PRTFDC1: variants seen among roughly 807,000 people sequenced by gnomAD.
PRTFDC1 encodes the protein phosphoribosyltransferase domain-containing protein 1.
A neutral mutation model predicts 34.6 loss-of-function variants in PRTFDC1; 38 were observed. The observed-to-expected ratio is 1.10, with a 90% CI of 0.85 to 1.44. PRTFDC1 has a LOEUF of 1.44. Among genes scored for constraint, PRTFDC1 ranks in the 40% most tolerant of loss-of-function variants. PRTFDC1 has a pLI of 0.00. For missense variants in PRTFDC1, 270 were observed against 283.0 expected (o/e 0.95, Z 0.33); for synonymous variants, 93 against 98.1 (o/e 0.95, Z 0.31).
chr10:24,939,599 C>T (rs1285406837), intron 2 of PRTFDC1, among the ~76,000 whole-genome samples: 1 of 151,710 alleles, frequency 6.6e-6, no homozygotes, highest in Non-Finnish European at 1.5e-5. Context: ...TCAAGACCAT[C>T]CTGGCCAACA....
chr10:24,860,618 A>T (rs1046602627), intron 4 of PRTFDC1, among the ~76,000 whole-genome samples: 3 of 152,292 alleles, frequency 2.0e-5, no homozygotes, highest in Admixed American at 1.3e-4. Context: ...TCTTAATTTT[A>T]TCATGGAAAT....
chr10:24,932,285 T>C (rs554400128), intron 3 of PRTFDC1, among the ~76,000 whole-genome samples: 5 of 152,024 alleles, frequency 3.3e-5, no homozygotes, highest in African/African-American at 1.2e-4. Context: ...TTCAGGAGTG[T>C]ATAGGAGGTC....
chr10:24,883,128 T>C (rs1401037254), intron 3 of PRTFDC1, among the ~76,000 whole-genome samples: 18 of 148,318 alleles, frequency 1.2e-4, no homozygotes, highest in Non-Finnish European at 2.5e-4. Flanking sequence ...ATAAATAATA[T>C]AATATAACAT....
At chr10:24,890,665 C>A (rs1588595416) in intron 3 of PRTFDC1, among the ~76,000 whole-genome samples, 1 of 152,098 alleles carries the variant, frequency 6.6e-6, no homozygotes, top group East Asian at 1.9e-4. Context: ...AACTCTGTTC[C>A]CTGTCTGGCT....
chr10:24,905,497 T>G (rs1050207030), intron 3 of PRTFDC1, among the ~76,000 whole-genome samples: 1 of 151,956 alleles, frequency 6.6e-6, no homozygotes, highest in Admixed American at 6.6e-5. Context: ...AATTTTTGTA[T>G]TTTTAGTAGA....
intron 3 of PRTFDC1, among the ~76,000 whole-genome samples, chr10:24,872,454 C>A (rs1016785012): frequency 6.6e-5 from 10 of 152,250 alleles, no homozygotes; most frequent in Admixed American, 1.3e-4. Context: ...TGCCACCAAG[C>A]TCTGATTAAA....
intron 3 of PRTFDC1, among the ~76,000 whole-genome samples, chr10:24,934,978 C>A (rs1395953137): frequency 6.6e-6 from 1 of 152,154 alleles, no homozygotes; most frequent in Non-Finnish European, 1.5e-5. Context: ...ATGATTATAT[C>A]TGTAAGACAT....
intron 3 of PRTFDC1, among the ~76,000 whole-genome samples, chr10:24,900,434 T>G (rs1054967231): frequency 6.6e-6 from 1 of 152,232 alleles, no homozygotes; most frequent in Non-Finnish European, 1.5e-5. Flanking sequence ...CTTAGAACTT[T>G]TGCATCTGAA....
intron 3 of PRTFDC1, among the ~76,000 whole-genome samples, chr10:24,922,777 A>G (rs1459349566): frequency 4.6e-5 from 7 of 152,170 alleles, no homozygotes; most frequent in Admixed American, 3.3e-4. Flanking sequence ...TAGCTGGTTC[A>G]TCTTATTGGG....
chr10:24,931,581 A>T (rs1208709683), intron 3 of PRTFDC1, among the ~76,000 whole-genome samples: 2 of 151,986 alleles, frequency 1.3e-5, no homozygotes, highest in Non-Finnish European at 2.9e-5. Context: ...ATAATAAGGG[A>T]ATATTATAAA....
Position 24,849,893 on chromosome 10 carries a change from T to C in PRTFDC1, c.631-2A>G, listed in dbSNP as rs377438712. ...GTGCTCATTGATGACGCATATGTGC[T>C]GAAACAATAAAGGATTTAAACGCAT... On this transcript the variant is annotated splice_acceptor_variant, in intron 8 of 8. Transcript: ENST00000320152. LOFTEE classifies it high-confidence loss of function. The C allele has an allele frequency of 1.2e-6, 2 of 1,613,792 alleles. No homozygotes were observed. Among genetic ancestry groups the C allele is most frequent in the African/African-American group, 1.3e-5 (1 of 74,920 alleles).
At chr10:24,902,235 T>C (rs899688806) in intron 3 of PRTFDC1, among the ~76,000 whole-genome samples, 1 of 152,122 alleles carries the variant, frequency 6.6e-6, no homozygotes, top group Non-Finnish European at 1.5e-5. Context: ...ACTGCTCTTT[T>C]GCAAAGCAGC....
At chr10:24,850,261 T>C (rs533674619) in intron 8 of PRTFDC1, among the ~76,000 whole-genome samples, 1 of 152,314 alleles carries the variant, frequency 6.6e-6, no homozygotes, top group African/African-American at 2.4e-5. Flanking sequence ...TATTCAACCC[T>C]TTTTGGGCAA....
At chr10:24,946,279 T>G (rs924462522) in intron 1 of PRTFDC1, among the ~76,000 whole-genome samples, 1 of 152,084 alleles carries the variant, frequency 6.6e-6, no homozygotes, top group Admixed American at 6.6e-5. Context: ...CAGTTTCCCC[T>G]TGCTTTAAAT....
intron 3 of PRTFDC1, among the ~76,000 whole-genome samples, chr10:24,909,804 T>C (rs1422307077): frequency 1.3e-5 from 2 of 152,152 alleles, no homozygotes; most frequent in Non-Finnish European, 2.9e-5. Flanking sequence ...TCTAGCAGTG[T>C]AGAGCCTTTC....
intron 3 of PRTFDC1, among the ~76,000 whole-genome samples, chr10:24,907,455 G>A (rs1848555527): frequency 6.6e-6 from 1 of 152,172 alleles, no homozygotes; most frequent in African/African-American, 2.4e-5. Context: ...AATTAGCTGG[G>A]TGTGGTGGCG....
intron 1 of PRTFDC1, among the ~76,000 whole-genome samples, chr10:24,943,914 T>C (rs1336134252): frequency 1.3e-5 from 2 of 152,146 alleles, no homozygotes; most frequent in Non-Finnish European, 2.9e-5. Flanking sequence ...TTTGAGCTTC[T>C]GAGGCCTTTC....
intron 3 of PRTFDC1, among the ~76,000 whole-genome samples, chr10:24,877,572 A>T (rs1428670683): frequency 6.6e-6 from 1 of 152,198 alleles, no homozygotes; most frequent in Non-Finnish European, 1.5e-5. Context: ...TTCTGTATAT[A>T]AATGGATTTA....
At chr10:24,867,786 G>A (rs1847804796) in intron 4 of PRTFDC1, 1 of 151,216 alleles carries the variant, frequency 6.6e-6, no homozygotes, top group South Asian at 2.1e-4. Flanking sequence ...AATTTTGGTG[G>A]GGTTTTTGTA....
Sources: gnomAD v4.1 joint callset for allele counts (sites outside exome capture counted in the v4.1 genomes callset) on GRCh38, gnomAD v4.1.1 for gene constraint, MANE v1.5 for transcripts, NCBI Gene and HGNC (gene_info 2026-07-23, HGNC 2026-07-21) for gene names.